The following DNAAF4 variants were observed in gnomAD, a reference collection of about 807,000 sequenced individuals.
The protein encoded by DNAAF4 is dynein assembly factor 4, axonemal.
DNAAF4 carries 43 observed loss-of-function variants against 51.8 expected under a neutral mutation model. The ratio of observed to expected loss-of-function variants is 0.83; its 90% CI spans 0.65 to 1.07. The LOEUF is 1.07. DNAAF4 is among the 50% of genes least tolerant of loss of function. DNAAF4 has a pLI of 0.00. For missense variants in DNAAF4, 581 were observed against 493.0 expected (o/e 1.18, Z -1.69); for synonymous variants, 194 against 165.6 (o/e 1.17, Z -1.32).
intron 5 of DNAAF4, among the ~76,000 whole-genome samples, chr15:55,464,870 G>A (rs1166338369): frequency 2.0e-5 from 3 of 152,116 alleles, no homozygotes; most frequent in South Asian, 2.1e-4. Context: ...CAGGAGAATC[G>A]CTTGAACCTG....
At chr15:55,452,244 TAAAAAAAAAAAAAA>T (rs57692277) in intron 5 of DNAAF4, among the ~76,000 whole-genome samples, 3 of 53,598 alleles carry the variant, frequency 5.6e-5, no homozygotes, top group Non-Finnish European at 3.0e-5. Flanking sequence ...CATGTCTCAC[TAAAAAAAAAAAAAA>T]AAAAAAAAAA....
intron 1 of DNAAF4, among the ~76,000 whole-genome samples, chr15:55,503,813 A>T (rs937961681): frequency 6.6e-6 from 1 of 152,188 alleles, no homozygotes; most frequent in African/African-American, 2.4e-5. Context: ...CCCACAGCCA[A>T]TATCAAACTG....
chr15:55,503,162 C>A (rs1363964281), intron 1 of DNAAF4, among the ~76,000 whole-genome samples: 2 of 151,970 alleles, frequency 1.3e-5, no homozygotes, highest in African/African-American at 4.8e-5. Flanking sequence ...CGCAAATAAA[C>A]TAGAAAATCT....
At chr15:55,472,445 C>T (rs1382243384) in intron 4 of DNAAF4, among the ~76,000 whole-genome samples, 1 of 151,876 alleles carries the variant, frequency 6.6e-6, no homozygotes, top group African/African-American at 2.4e-5. Flanking sequence ...TGGTGAAACC[C>T]CATCTATACT....
chr15:55,441,894 T>A (rs923170346), intron 6 of DNAAF4, among the ~76,000 whole-genome samples: 1 of 152,216 alleles, frequency 6.6e-6, no homozygotes, highest in African/African-American at 2.4e-5. Flanking sequence ...TGCTTCCTAC[T>A]CTGACCAAAA....
At chr15:55,454,723 C>A (rs1010025686) in intron 5 of DNAAF4, among the ~76,000 whole-genome samples, 42 of 152,172 alleles carry the variant, frequency 2.8e-4, no homozygotes, top group South Asian at 4.2e-4. Context: ...TTGAAATTCC[C>A]AGAATTGATG....
chr15:55,460,945 A>G (rs2058086497), intron 5 of DNAAF4, among the ~76,000 whole-genome samples: 1 of 151,590 alleles, frequency 6.6e-6, no homozygotes, highest in Admixed American at 6.6e-5. Context: ...TTGTATTTTT[A>G]GTAAAGACAA....
At chr15:55,481,945 C>A (rs2058416746) in intron 4 of DNAAF4, among the ~76,000 whole-genome samples, 1 of 152,196 alleles carries the variant, frequency 6.6e-6, no homozygotes, top group Admixed American at 6.5e-5. Context: ...GTGTAGGGTG[C>A]AACCAATGGG....
chr15:55,497,759 A>G lies in DNAAF4; in HGVS notation c.224T>C (p.Leu75Ser), dbSNP rs767140611. Residue 75 changes from leucine to serine, a missense_variant, in exon 3 of 10, where the codon TTG (leucine) becomes TCG (serine). Leu to Ser is a moderately radical substitution (Grantham distance 145, BLOSUM62 -2). Coordinates refer to ENST00000321149, the MANE Select transcript of DNAAF4 (RefSeq NM_130810.4). ...KIGNDTIVFT[L>S]YKKEAAMWET... is the part of the protein sequence containing the mutation. Reference sequence around the variant, plus strand: ...CCACATGGCCGCTTCTTTTTTATACAAGGTGAAGACAATGGTGTCATTCCC... The same window carrying G: ...CCACATGGCCGCTTCTTTTTTATACGAGGTGAAGACAATGGTGTCATTCCC... The G allele has an allele frequency of 1.9e-6, 3 of 1,613,764 alleles. No individual in the cohort carries two copies. The highest frequency in any genetic ancestry group is 4.5e-5 in the East Asian group (2 of 44,886).
At chr15:55,427,504 G>A (rs1347822614), downstream of DNAAF4, among the ~76,000 whole-genome samples, 1 of 152,160 alleles carries the variant, frequency 6.6e-6, no homozygotes, top group Non-Finnish European at 1.5e-5. Context: ...GGGGCCACAA[G>A]ATTAGATGAG....
chr15:55,456,148 C>CA (rs1428046585), intron 5 of DNAAF4, among the ~76,000 whole-genome samples: 1 of 150,398 alleles, frequency 6.6e-6, no homozygotes, highest in Non-Finnish European at 1.5e-5. Context: ...GGCAAGATCT[C>CA]GCTTCACTGC....
chr15:55,446,241 C>T (rs137953579), intron 6 of DNAAF4, among the ~76,000 whole-genome samples: 4,068 of 114,616 alleles, frequency 0.035, 79 homozygotes, highest in African/African-American at 0.045. Context: ...TGGGCAGAGG[C>T]GCTCCTCACC....
intron 6 of DNAAF4, among the ~76,000 whole-genome samples, chr15:55,442,304 A>C: frequency 6.6e-6 from 1 of 152,080 alleles, no homozygotes; most frequent in Non-Finnish European, 1.5e-5. Context: ...ATTTTAGTAG[A>C]GACGGGGTTT....
chr15:55,490,307 G>C (rs947420862), intron 4 of DNAAF4, among the ~76,000 whole-genome samples: 1 of 152,054 alleles, frequency 6.6e-6, no homozygotes, highest in African/African-American at 2.4e-5. Context: ...GTGCTTTTTG[G>C]GGGGTGATGA....
chr15:55,447,615 C>A (rs2057854530), intron 6 of DNAAF4, among the ~76,000 whole-genome samples: 1 of 150,528 alleles, frequency 6.6e-6, no homozygotes, highest in African/African-American at 2.4e-5. Context: ...CCATCTCCAC[C>A]AAAAATACAA....
chr15:55,473,325 A>ATATATATATG (rs2058291762), intron 4 of DNAAF4, among the ~76,000 whole-genome samples: 1 of 139,900 alleles, frequency 7.1e-6, no homozygotes, highest in Non-Finnish European at 1.5e-5. Flanking sequence ...ATATGTGTGT[A>ATATATATATG]TATATATGTG....
At chr15:55,486,344 C>A (rs1482970285) in intron 4 of DNAAF4, among the ~76,000 whole-genome samples, 1 of 151,934 alleles carries the variant, frequency 6.6e-6, no homozygotes, top group African/African-American at 2.4e-5. Flanking sequence ...CAGGTGCCTG[C>A]CACCACGCCC....
At chr15:55,475,118 A>G (rs2058319008) in intron 4 of DNAAF4, among the ~76,000 whole-genome samples, 1 of 152,250 alleles carries the variant, frequency 6.6e-6, no homozygotes, top group African/African-American at 2.4e-5. Flanking sequence ...TATTATAAGT[A>G]TGTTGATGCG....
chr15:55,455,084 A>T (rs2057997367), intron 5 of DNAAF4, among the ~76,000 whole-genome samples: 1 of 149,462 alleles, frequency 6.7e-6, no homozygotes, highest in Non-Finnish European at 1.5e-5. Context: ...ACTTTGGAAA[A>T]TTTCAATAAT....
Sources: allele counts gnomAD v4.1 joint callset (sites outside exome capture counted in the v4.1 genomes callset), GRCh38; gene constraint gnomAD v4.1.1; transcripts MANE v1.5; gene names NCBI Gene and HGNC (gene_info 2026-07-23, HGNC 2026-07-21).